AGBL4: variants seen among roughly 807,000 people sequenced by gnomAD.
The protein encoded by AGBL4 is cytosolic carboxypeptidase 6.
AGBL4 carries 58 observed loss-of-function variants against 66.4 expected under a neutral mutation model. That is an observed-to-expected ratio of 0.87 (90% CI 0.71 to 1.09). The LOEUF is 1.09. Among genes scored for constraint, AGBL4 ranks in the 50% least tolerant of loss-of-function variants. AGBL4 has a pLI of 0.00. For synonymous variants in AGBL4, 234 were observed against 222.9 expected, an observed-to-expected ratio of 1.05 and a Z score of -0.44; for missense variants, 579 against 631.0, an observed-to-expected ratio of 0.92 and a Z score of 0.88.
chr1:49,834,714 T>C (rs988360006), intron 2 of AGBL4, among the ~76,000 whole-genome samples: 2 of 152,224 alleles, frequency 1.3e-5, no homozygotes, highest in African/African-American at 4.8e-5. Flanking sequence ...CATTTAGTGG[T>C]ATAAATTTCC....
At chr1:49,658,824 C>G (rs1189184793) in intron 3 of AGBL4, among the ~76,000 whole-genome samples, 2 of 145,568 alleles carry the variant, frequency 1.4e-5, no homozygotes, top group African/African-American at 5.2e-5. Context: ...CACTTGGACA[C>G]AGGAAGGGGA....
intron 3 of AGBL4, among the ~76,000 whole-genome samples, chr1:49,421,549 A>G (rs1033712807): frequency 6.6e-6 from 1 of 152,230 alleles, no homozygotes; most frequent in Non-Finnish European, 1.5e-5. Context: ...GACAAGAGAA[A>G]AAACGAAGAA....
intron 6 of AGBL4, among the ~76,000 whole-genome samples, chr1:48,828,038 ACACAC>A (rs1646467983): frequency 6.7e-6 from 1 of 149,260 alleles, no homozygotes; most frequent in African/African-American, 2.5e-5. Context: ...ACACACACAC[ACACAC>A]AAATTAGCCG....
chr1:49,684,043 G>A (rs1220034089), intron 3 of AGBL4, among the ~76,000 whole-genome samples: 1 of 152,088 alleles, frequency 6.6e-6, no homozygotes, highest in Non-Finnish European at 1.5e-5. Flanking sequence ...GGCTACAAGT[G>A]GATTGAACCA....
chr1:48,956,309 G>A (rs866293116), intron 5 of AGBL4, among the ~76,000 whole-genome samples: 1 of 152,134 alleles, frequency 6.6e-6, no homozygotes, highest in Admixed American at 6.5e-5. Flanking sequence ...TCCCTTTCCT[G>A]GAAAGACAGA....
chr1:48,886,313 G>C (rs977496179), intron 5 of AGBL4, among the ~76,000 whole-genome samples: 6 of 152,166 alleles, frequency 3.9e-5, no homozygotes, highest in Admixed American at 3.3e-4. Flanking sequence ...AGGCTGAAGT[G>C]CTGTTGTATT....
chr1:49,875,599 T>G (rs1048593776), intron 1 of AGBL4, among the ~76,000 whole-genome samples: 52 of 148,528 alleles, frequency 3.5e-4, no homozygotes, highest in African/African-American at 1.3e-3. Flanking sequence ...CTATTGTGAA[T>G]AATGCCGCAA....
At chr1:49,724,482 A>C (rs1648860138) in intron 2 of AGBL4, among the ~76,000 whole-genome samples, 1 of 152,154 alleles carries the variant, frequency 6.6e-6, no homozygotes, top group Admixed American at 6.6e-5. Flanking sequence ...GAATCACTTC[A>C]AGTGTGATGA....
At chr1:48,774,423 C>T (rs1199106032) in intron 6 of AGBL4, among the ~76,000 whole-genome samples, 1 of 152,166 alleles carries the variant, frequency 6.6e-6, no homozygotes, top group Non-Finnish European at 1.5e-5. Flanking sequence ...GCAGTGGGTA[C>T]CCAGGAGATC....
chr1:49,579,564 A>T (rs1644501430), intron 3 of AGBL4, among the ~76,000 whole-genome samples: 1 of 151,984 alleles, frequency 6.6e-6, no homozygotes, highest in Admixed American at 6.6e-5. Context: ...CAGTGGTGCT[A>T]TCTTGGCTCA....
At chr1:49,685,481 G>T (rs1450016916) in intron 3 of AGBL4, among the ~76,000 whole-genome samples, 1 of 152,174 alleles carries the variant, frequency 6.6e-6, no homozygotes, top group African/African-American at 2.4e-5. Context: ...TCTTCAACCT[G>T]CTTTCCACAA....
intron 1 of AGBL4, among the ~76,000 whole-genome samples, chr1:49,950,082 G>GTGTATATATACACATATATATACATA (rs1462667314): frequency 7.5e-6 from 1 of 133,034 alleles, no homozygotes; most frequent in African/African-American, 2.8e-5. Context: ...ATACACATAT[G>GTGTATATATACACATATATATACATA]TGTATATATA....
In AGBL4 at chr1:48,534,120, C is replaced by A. The variant is rs1557767163; in HGVS notation, c.*53G>T. 1 of 1,550,880 alleles carries A rather than the reference C, an allele frequency of 6.4e-7. No homozygotes were observed. The highest frequency in any genetic ancestry group is 1.2e-5 in the South Asian group (1 of 84,040). The stretch of plus-strand genomic sequence containing the variant: ...GAGAAGAGTGATTAATTTCATTCCC[C>A]AGCAGAAAATGCATGCTCCTGTCCC... On this transcript the variant is annotated 3_prime_UTR_variant, in exon 14 of 14. Coordinates refer to ENST00000371839, the MANE Select transcript of AGBL4 (RefSeq NM_032785.4).
chr1:48,745,173 T>TGAGAGGGGAGGAA (rs1361311559), intron 6 of AGBL4, among the ~76,000 whole-genome samples: 8 of 152,022 alleles, frequency 5.3e-5, no homozygotes, highest in Admixed American at 2.0e-4. Context: ...CTTCATGACA[T>TGAGAGGGGAGGAA]GAGAGGGGAG....
chr1:48,709,145 G>A (rs1463528658), intron 6 of AGBL4, among the ~76,000 whole-genome samples: 2 of 152,182 alleles, frequency 1.3e-5, no homozygotes, highest in Non-Finnish European at 1.5e-5. Flanking sequence ...TATGCTATCA[G>A]TGACTCTCTG....
chr1:49,882,860 G>C (rs1299049772), intron 1 of AGBL4, among the ~76,000 whole-genome samples: 2 of 152,116 alleles, frequency 1.3e-5, no homozygotes, highest in African/African-American at 4.8e-5. Flanking sequence ...TGATGCAAGA[G>C]CACTGATAGC....
chr1:49,491,777 T>A (rs1231526148), intron 3 of AGBL4, among the ~76,000 whole-genome samples: 2 of 151,916 alleles, frequency 1.3e-5, no homozygotes, highest in African/African-American at 4.8e-5. Context: ...CTGTCTGATG[T>A]CAAAGCTCAT....
chr1:49,034,878 C>T (rs1363898984), intron 5 of AGBL4, among the ~76,000 whole-genome samples: 13 of 151,938 alleles, frequency 8.6e-5, no homozygotes, highest in African/African-American at 1.5e-4. Context: ...TTATTATCAG[C>T]GTGAAAATGG....
At chr1:49,589,914 G>T (rs1373352998) in intron 3 of AGBL4, among the ~76,000 whole-genome samples, 1 of 151,874 alleles carries the variant, frequency 6.6e-6, no homozygotes, top group African/African-American at 2.4e-5. Context: ...TAGCTATTTT[G>T]ACTCTTACTT....
Sources: allele counts gnomAD v4.1 joint callset (sites outside exome capture counted in the v4.1 genomes callset), GRCh38; gene constraint gnomAD v4.1.1; transcripts MANE v1.5; gene names NCBI Gene and HGNC (gene_info 2026-07-23, HGNC 2026-07-21).